ANKRD36: variants seen among roughly 807,000 people sequenced by gnomAD.
ANKRD36 encodes the protein ankyrin repeat domain 36, also known as ankyrin repeat domain-containing protein 36A.
Under a neutral mutation model 278.1 loss-of-function variants are expected in ANKRD36, and 179 were observed. That is an observed-to-expected ratio of 0.64 (90% CI 0.57 to 0.73). The LOEUF is 0.73. ANKRD36 is among the 30% of genes least tolerant of loss of function. The pLI, the probability that ANKRD36 is intolerant of heterozygous loss-of-function variation, is 0.00. For missense variants in ANKRD36, 1,159 were observed against 1,956.7 expected, an observed-to-expected ratio of 0.59 and a Z score of 7.69; for synonymous variants, 320 against 641.1, an observed-to-expected ratio of 0.50 and a Z score of 7.57.
chr2:97,179,390 T>C (rs2123121), intron 22 of ANKRD36, among the ~76,000 whole-genome samples: 1 of 151,668 alleles, frequency 6.6e-6, no homozygotes. Context: ...TGCTTTGACG[T>C]TGATTCCCAG....
Position 97,113,461 on chromosome 2 carries a change from C to G in ANKRD36, c.-279C>G. On this transcript the variant is annotated 5_prime_UTR_variant, in exon 1 of 76. Transcript: ENST00000420699. The stretch of plus-strand genomic sequence containing the variant: ...CTCGCGCTCCAGGGAGCCCCGCCCT[C>G]CCGCGGCACCTCCGCAGCAACCGCC... 2.1e-6 allele frequency: 1 copy of G among 487,426 alleles called. No homozygotes were observed. 30.2% of individuals were successfully genotyped at this position (487,426 alleles called of 1,614,324 possible). A position where few individuals can be genotyped will look rare whatever the true frequency, so the allele number is the denominator to read the frequency against.
chr2:97,128,660 G>C (rs892724735), intron 6 of ANKRD36, among the ~76,000 whole-genome samples: 3 of 151,910 alleles, frequency 2.0e-5, no homozygotes, highest in African/African-American at 7.2e-5. Context: ...CTTGACTTCT[G>C]AGTACATGTG....
intron 22 of ANKRD36, among the ~76,000 whole-genome samples, chr2:97,169,010 C>G (rs1236689928): frequency 7.3e-5 from 11 of 151,268 alleles, no homozygotes; most frequent in African/African-American, 2.7e-4. Context: ...GTTTCTTGTT[C>G]TAGATCCTTG....
intron 48 of ANKRD36, among the ~76,000 whole-genome samples, chr2:97,202,614 AAT>A (rs1263230830): frequency 6.6e-6 from 1 of 151,954 alleles, no homozygotes; most frequent in African/African-American, 2.4e-5. Flanking sequence ...AGTTGGGAAG[AAT>A]ATACATGGAG....
At chr2:97,167,953 TTA>T (rs1200979780) in intron 22 of ANKRD36, among the ~76,000 whole-genome samples, 186 bp downstream of exon 22, 7 of 151,890 alleles carry the variant, frequency 4.6e-5, no homozygotes, top group African/African-American at 1.7e-4. Flanking sequence ...AAAAGAAATT[TTA>T]AAAATGTGAG....
At chr2:97,235,224 T>C (rs957592714) in intron 68 of ANKRD36, among the ~76,000 whole-genome samples, 1 of 151,682 alleles carries the variant, frequency 6.6e-6, no homozygotes, top group African/African-American at 2.4e-5. Flanking sequence ...GTTCACTTTT[T>C]GGATATGGAC....
chr2:97,193,070 A>G lies in ANKRD36; in HGVS notation c.2449+17A>G, dbSNP rs779889924. 1.2e-5 allele frequency: 18 copies of G among 1,527,190 alleles called. No individual in the cohort carries two copies. In the Admixed American group the frequency reaches 1.8e-4, roughly 15 times the overall value. The allele number at this position is 1,527,190 out of a possible 1,614,324, so 94.6% of individuals were successfully genotyped here. ...CTAGGACAGGTAATTTTGAAAAGAG[A>G]TTTAATGTCATGTTCAGTGCAGATA... On this transcript the variant is annotated intron_variant, in intron 38 of 75. Coordinates refer to ENST00000420699, the MANE Select transcript of ANKRD36 (RefSeq NM_001354587.1).
intron 66 of ANKRD36, among the ~76,000 whole-genome samples, chr2:97,223,039 G>A (rs2068208884): frequency 6.6e-6 from 1 of 151,178 alleles, no homozygotes; most frequent in Non-Finnish European, 1.5e-5. Flanking sequence ...TAATAAGTCT[G>A]TGGAAATTTA....
intron 32 of ANKRD36, among the ~76,000 whole-genome samples, chr2:97,188,799 C>G (rs796492270): frequency 2.0e-5 from 2 of 97,600 alleles, no homozygotes; most frequent in African/African-American, 5.1e-5. Context: ...TCACTTTGTC[C>G]TCATCACTCG....
chr2:97,178,445 T>G (rs1442464946), intron 22 of ANKRD36, among the ~76,000 whole-genome samples: 1 of 151,694 alleles, frequency 6.6e-6, no homozygotes, highest in Non-Finnish European at 1.5e-5. Flanking sequence ...CCAACAATGA[T>G]AGACTGGATT....
intron 68 of ANKRD36, among the ~76,000 whole-genome samples, chr2:97,235,488 T>A (rs2073424320): frequency 1.4e-5 from 2 of 142,798 alleles, no homozygotes; most frequent in Non-Finnish European, 3.0e-5. Context: ...TGTCTGAATT[T>A]GACTTTCTTT....
Position 97,113,946 on chromosome 2 carries a change from G to C in ANKRD36, c.197+10G>C. 6.2e-7 allele frequency: 1 copy of C among 1,608,108 alleles called. No individual in the cohort carries two copies. Among genetic ancestry groups the C allele is most frequent in the Non-Finnish European group, 8.5e-7 (1 of 1,177,884 alleles). ...GAGACAGGAAGGAAAGGTAATGGGG[G>C]CCGGGAGCCGGGGCTGCGGGAGGAG... is the stretch of plus-strand genomic sequence containing the variant. On this transcript the variant is annotated intron_variant, in intron 1 of 75. Transcript: ENST00000420699.
chr2:97,199,335 G>C (rs2060657346), intron 44 of ANKRD36, among the ~76,000 whole-genome samples: 1 of 151,902 alleles, frequency 6.6e-6, no homozygotes, highest in African/African-American at 2.4e-5. Context: ...AGGCCTCAGA[G>C]ATACATGTTT....
At chr2:97,195,297 CATA>C (rs1490119212) in intron 40 of ANKRD36, among the ~76,000 whole-genome samples, 1 of 151,884 alleles carries the variant, frequency 6.6e-6, no homozygotes, top group African/African-American at 2.4e-5. Context: ...GAAAACTGTT[CATA>C]ATAACCCATA....
chr2:97,130,135 C>T (rs895817484), intron 6 of ANKRD36, among the ~76,000 whole-genome samples: 2 of 151,820 alleles, frequency 1.3e-5, no homozygotes, highest in African/African-American at 4.8e-5. Context: ...TTTGTATCCT[C>T]TTTTATTTCA....
In ANKRD36 at chr2:97,133,851, G is replaced by A. The variant is rs1396642141; in HGVS notation, c.799+6717G>A. ...TACGCCATCCCCCCTCACGTGCATA[G>A]CTCCCCCCATTTTCAATATCTCCCA... On this transcript the variant is annotated intron_variant, in intron 6 of 75. Coordinates refer to ENST00000420699, the MANE Select transcript of ANKRD36 (RefSeq NM_001354587.1). Among the ~76,000 whole-genome samples the A allele has an allele frequency of 1.3e-5, 2 of 150,762 alleles. 1 individual carries two copies. The highest frequency in any genetic ancestry group is 4.9e-5 in the African/African-American group (2 of 40,934).
Position 97,149,317 on chromosome 2 carries a change from G to A in ANKRD36, c.1057G>A (p.Val353Ile). The change falls in exon 12 of 76, where the codon GTT (valine) becomes ATT (isoleucine). Residue 353 changes from valine (V) to isoleucine (I), a missense_variant. Coordinates refer to ENST00000420699, the MANE Select transcript of ANKRD36 (RefSeq NM_001354587.1). The part of the protein sequence containing the change: ...LNRSLYRPDA[V>I]AQPVTENEFS... ...TAGGAGTCTCTACAGACCTGATGCT[G>A]TTGCACAGCCTGTGACAGAGAATGA... is the stretch of plus-strand genomic sequence containing the variant. 1 of 1,534,192 alleles carries A rather than the reference G, an allele frequency of 6.5e-7. No homozygotes were observed. The highest frequency in any genetic ancestry group is 8.7e-7 in the Non-Finnish European group (1 of 1,145,542).
intron 50 of ANKRD36, among the ~76,000 whole-genome samples, chr2:97,205,238 T>C (rs1438079328): frequency 3.3e-5 from 5 of 151,658 alleles, no homozygotes; most frequent in Admixed American, 6.6e-5. Flanking sequence ...AAATTGATAA[T>C]TGATGATATT....
rs568489418 is a variant in ANKRD36, at chr2:97,140,038, G to A, written c.800-2602G>A. Reference sequence around the variant, plus strand: ...AATGTGTGTGTGTGTTTGTGTGTGTGTGTATTTTTTTCTCTTCTGAAAACT... The same window carrying A: ...AATGTGTGTGTGTGTTTGTGTGTGTATGTATTTTTTTCTCTTCTGAAAACT... On this transcript the variant is annotated intron_variant, in intron 6 of 75. Coordinates refer to ENST00000420699, the MANE Select transcript of ANKRD36 (RefSeq NM_001354587.1). Among the ~76,000 whole-genome samples, 10 of 151,958 alleles carry A rather than the reference G, an allele frequency of 6.6e-5. No individual in the cohort carries two copies. In the East Asian group the frequency reaches 1.9e-3, roughly 29 times the overall value.
Sources: allele counts gnomAD v4.1 joint callset (sites outside exome capture counted in the v4.1 genomes callset), GRCh38; gene constraint gnomAD v4.1.1; transcripts MANE v1.5; gene names NCBI Gene and HGNC (gene_info 2026-07-23, HGNC 2026-07-21).